Variants in SEC24B observed in about 807,000 individuals in gnomAD.
SEC24B encodes SEC24 homolog B, COPII component.
SEC24B carries 45 observed loss-of-function variants against 142.8 expected under a neutral mutation model. The observed-to-expected ratio is 0.32, with a 90% confidence interval of 0.25 to 0.40. The LOEUF is 0.40. Ranked by LOEUF, SEC24B falls within the 10% of genes least tolerant of loss-of-function variation. The pLI, the probability that SEC24B is intolerant of heterozygous loss-of-function variation, is 1.00. For missense variants in SEC24B, 1,409 were observed against 1,526.8 expected (o/e 0.92, Z 1.29); for synonymous variants, 574 against 568.2 (o/e 1.01, Z -0.15).
At chr4:109,476,627 T>C (rs141154078) in intron 3 of SEC24B, among the ~76,000 whole-genome samples, 2 of 152,374 alleles carry the variant, frequency 1.3e-5, no homozygotes, top group East Asian at 3.9e-4. Flanking sequence ...TTTAACCTTC[T>C]GAGTTACATG....
intron 2 of SEC24B, among the ~76,000 whole-genome samples, chr4:109,467,889 G>A (rs1227936705): frequency 6.6e-6 from 1 of 152,164 alleles, no homozygotes; most frequent in Non-Finnish European, 1.5e-5. Flanking sequence ...AGCTACTTGA[G>A]TAAAAATAAT....
intron 6 of SEC24B, among the ~76,000 whole-genome samples, chr4:109,497,717 G>A (rs1735675507): frequency 6.6e-6 from 1 of 152,124 alleles, no homozygotes; most frequent in Admixed American, 6.5e-5. Flanking sequence ...TTCTATTGTT[G>A]ATGGGCATTG....
intron 2 of SEC24B, among the ~76,000 whole-genome samples, chr4:109,468,034 T>G (rs537200140): frequency 2.8e-4 from 43 of 152,348 alleles, no homozygotes; most frequent in African/African-American, 1.0e-3. Context: ...ATCTGTCATC[T>G]CTGGTTGGTA....
At chr4:109,526,197 T>G in intron 16 of SEC24B, 29 bp from the exon 17 acceptor site, 1 of 1,606,238 alleles carries the variant, frequency 6.2e-7, no homozygotes, top group Non-Finnish European at 8.5e-7. Context: ...TATTGTTAAC[T>G]TGATTTTTTA....
chr4:109,488,502 T>C (rs1314125159), intron 4 of SEC24B, among the ~76,000 whole-genome samples: 1 of 152,230 alleles, frequency 6.6e-6, no homozygotes, highest in East Asian at 1.9e-4. Context: ...ATTTTATTTA[T>C]CCATTCATGA....
At chr4:109,504,057 T>G (rs1288814469) in intron 6 of SEC24B, among the ~76,000 whole-genome samples, 2 of 152,132 alleles carry the variant, frequency 1.3e-5, no homozygotes, top group African/African-American at 2.4e-5. Context: ...ATCCTTTTTA[T>G]TATCCAGTCA....
At chr4:109,456,095 T>C (rs79003387) in intron 1 of SEC24B, among the ~76,000 whole-genome samples, 2,244 of 152,254 alleles carry the variant, frequency 0.015, 18 homozygotes, top group Non-Finnish European at 0.022. Context: ...TCTGAACATA[T>C]TTCATTAGAT....
intron 1 of SEC24B, chr4:109,450,624 C>T (rs1729971111): frequency 6.8e-6 from 1 of 146,422 alleles, no homozygotes. Context: ...CGCCACTGCA[C>T]TCCAACCTGG....
intron 22 of SEC24B, among the ~76,000 whole-genome samples, chr4:109,533,978 G>T (rs569535323): frequency 6.6e-5 from 10 of 151,352 alleles, no homozygotes; most frequent in African/African-American, 2.4e-4. Context: ...GTGGCCTTTT[G>T]TATTTGGCTT....
At chr4:109,493,525 C>A (rs1397982447) in intron 5 of SEC24B, among the ~76,000 whole-genome samples, 1 of 151,636 alleles carries the variant, frequency 6.6e-6, no homozygotes, top group Non-Finnish European at 1.5e-5. Context: ...TTTCCACTTT[C>A]TGTTTTAAAT....
rs144915894 is a variant in SEC24B at position 109,490,701 on chromosome 4, C to T, written c.1166-626C>T. Among the ~76,000 whole-genome samples, 479 of 152,172 alleles carry T rather than the reference C, an allele frequency of 3.1e-3. 4 individuals are homozygous for T. Among genetic ancestry groups the T allele is most frequent in the African/African-American group, 0.01 (431 of 41,548 alleles). On this transcript the variant is annotated intron_variant, in intron 4 of 23. Coordinates refer to ENST00000265175, the MANE Select transcript of SEC24B (RefSeq NM_006323.5). ...TCTTAACAGGTTTTGAATGAGCACA[C>T]ATAATGAAAATTCTTATAGTCTAAC...
chr4:109,513,476 G>T (rs1446932426), intron 9 of SEC24B, among the ~76,000 whole-genome samples: 5 of 151,676 alleles, frequency 3.3e-5, no homozygotes, highest in African/African-American at 1.2e-4. Context: ...TAGAGACGAG[G>T]TTTCACCATG....
At chr4:109,526,073 A>G (rs976041769) in intron 16 of SEC24B, among the ~76,000 whole-genome samples, 153 bp from the exon 17 acceptor site, 4 of 152,162 alleles carry the variant, frequency 2.6e-5, no homozygotes, top group Admixed American at 1.3e-4. Context: ...TTTTTGAATT[A>G]ATATTTTAGA....
At chr4:109,467,950 C>T (rs922281414) in intron 2 of SEC24B, among the ~76,000 whole-genome samples, 2 of 152,026 alleles carry the variant, frequency 1.3e-5, no homozygotes, top group Non-Finnish European at 2.9e-5. Context: ...GGCCGAGAAG[C>T]GGTATATAAT....
At chr4:109,507,278 CTTT>C (rs34809833) in intron 7 of SEC24B, among the ~76,000 whole-genome samples, 17 of 139,328 alleles carry the variant, frequency 1.2e-4, no homozygotes, top group African/African-American at 7.9e-5. Context: ...CATTGTCTTC[CTTT>C]TTTTTTTTTT....
chr4:109,511,914 G>T, intron 8 of SEC24B, 43 bp from the exon 9 acceptor site: 1 of 1,601,322 alleles, frequency 6.2e-7, no homozygotes, highest in Non-Finnish European at 8.5e-7. Context: ...GTTTTTCCTT[G>T]GGGTGCCTTT....
intron 4 of SEC24B, among the ~76,000 whole-genome samples, chr4:109,486,685 G>A (rs1257292629): frequency 1.3e-5 from 2 of 152,178 alleles, no homozygotes; most frequent in African/African-American, 2.4e-5. Flanking sequence ...GAGGCAAATC[G>A]ATGCTATCCA....
intron 6 of SEC24B, among the ~76,000 whole-genome samples, chr4:109,502,509 A>G (rs759118969): frequency 9.9e-5 from 15 of 152,230 alleles, no homozygotes; most frequent in Non-Finnish European, 1.9e-4. Flanking sequence ...AAAAGTGAAT[A>G]GATAAGAGAT....
chr4:109,466,251 G>A (rs141332616), intron 2 of SEC24B, among the ~76,000 whole-genome samples: 73 of 152,250 alleles, frequency 4.8e-4, no homozygotes, highest in African/African-American at 1.7e-3. Flanking sequence ...TTGTTGCAGT[G>A]CCTTGGGGAG....
Sources: gnomAD v4.1 joint callset for allele counts (sites outside exome capture counted in the v4.1 genomes callset) on GRCh38, gnomAD v4.1.1 for gene constraint, MANE v1.5 for transcripts, NCBI Gene and HGNC (gene_info 2026-07-23, HGNC 2026-07-21) for gene names.